Variants in GPR176 observed in about 807,000 individuals in gnomAD.
The protein encoded by GPR176 is G protein-coupled receptor 176.
A neutral mutation model predicts 35.4 loss-of-function variants in GPR176; 26 were observed. The observed-to-expected ratio is 0.74, with a 90% confidence interval of 0.54 to 1.02. GPR176 has a LOEUF of 1.02. GPR176 is among the 50% of genes least tolerant of loss of function. The pLI, the probability that GPR176 is intolerant of heterozygous loss-of-function variation, is 0.00. For missense variants in GPR176, 597 were observed against 665.3 expected, an observed-to-expected ratio of 0.90 and a Z score of 1.13; for synonymous variants, 278 against 271.3, an observed-to-expected ratio of 1.02 and a Z score of -0.24.
chr15:39,843,605 C>T (rs2030189609), intron 1 of GPR176, among the ~76,000 whole-genome samples: 1 of 151,496 alleles, frequency 6.6e-6, no homozygotes, highest in African/African-American at 2.4e-5. Flanking sequence ...ATTACACAGG[C>T]ATAGCTATGC....
Position 39,807,239 on chromosome 15 carries a change from C to T in GPR176, c.192G>A (p.Trp64Ter), listed in dbSNP as rs1428961381. 5 of 1,580,130 alleles carry T rather than the reference C, an allele frequency of 3.2e-6. No individual in the cohort carries two copies. The highest frequency in any genetic ancestry group is 1.4e-5 in the African/African-American group (1 of 73,610). ...TGAACACGGTTGTGCGGCAAGTTGACCATAACACCATGAAGTTTCCTGGTC... is the reference window on the plus strand; with the variant it reads ...TGAACACGGTTGTGCGGCAAGTTGATCATAACACCATGAAGTTTCCTGGTC... ...GSLLGNFMVL[W>*]STCRTTVFKS... Residue 64 changes from tryptophan (W) to a stop codon, truncating the protein, a stop_gained, in exon 2 of 3, where the codon TGG becomes TGA. Coordinates refer to ENST00000561100, the MANE Select transcript of GPR176 (RefSeq NM_007223.3). LOFTEE classifies it high-confidence loss of function.
At chr15:39,885,776 C>T (rs2032652461) in intron 1 of GPR176, among the ~76,000 whole-genome samples, 1 of 152,126 alleles carries the variant, frequency 6.6e-6, no homozygotes, top group Non-Finnish European at 1.5e-5. Context: ...AAAATAATTA[C>T]ATGTTTCAGC....
chr15:39,853,932 AATTATT>A (rs1178948651), intron 1 of GPR176, among the ~76,000 whole-genome samples: 1 of 151,826 alleles, frequency 6.6e-6, no homozygotes, highest in Non-Finnish European at 1.5e-5. Context: ...TCATCATCAT[AATTATT>A]ATTATTATTA....
intron 1 of GPR176, among the ~76,000 whole-genome samples, chr15:39,861,671 G>T (rs1232599518): frequency 1.3e-5 from 2 of 151,796 alleles, no homozygotes; most frequent in African/African-American, 2.4e-5. Context: ...TTAATATTCT[G>T]TACTCTTAAA....
At chr15:39,893,934 ACGGGGCGGCTGGCCGGG>A (rs1404683589) in intron 1 of GPR176, among the ~76,000 whole-genome samples, 1 of 89,152 alleles carries the variant, frequency 1.1e-5, no homozygotes, top group Non-Finnish European at 2.2e-5. Context: ...TCCCTCCCGG[ACGGGGCGGCTGGCCGGG>A]CGGGGGGCTG....
intron 1 of GPR176, among the ~76,000 whole-genome samples, chr15:39,814,154 C>T (rs948958029): frequency 6.6e-6 from 1 of 152,192 alleles, no homozygotes; most frequent in African/African-American, 2.4e-5. Context: ...CTTTCTATTT[C>T]TAGAAAATTT....
chr15:39,849,991 G>A (rs533632286), intron 1 of GPR176, among the ~76,000 whole-genome samples: 2 of 151,998 alleles, frequency 1.3e-5, no homozygotes, highest in South Asian at 4.1e-4. Context: ...AAAGGCAATT[G>A]TAAATATTTG....
chr15:39,864,745 A>G (rs2031757024), intron 1 of GPR176, among the ~76,000 whole-genome samples: 3 of 152,158 alleles, frequency 2.0e-5, no homozygotes, highest in Admixed American at 6.5e-5. Flanking sequence ...TCAAGAGTGA[A>G]CAGACAACCT....
chr15:39,877,809 G>A (rs945179917), intron 1 of GPR176, among the ~76,000 whole-genome samples: 2 of 151,846 alleles, frequency 1.3e-5, no homozygotes, highest in Admixed American at 6.6e-5. Context: ...TGATCTGCCC[G>A]CCTTGGCCTC....
chr15:39,877,566 T>C (rs1446746196), intron 1 of GPR176, among the ~76,000 whole-genome samples: 1 of 109,646 alleles, frequency 9.1e-6, no homozygotes, highest in East Asian at 2.5e-4. Context: ...TTTTTTTTTT[T>C]GTTTGTTTGT....
At chr15:39,909,705 C>T (rs1163225555) in intron 1 of GPR176, among the ~76,000 whole-genome samples, 2 of 152,150 alleles carry the variant, frequency 1.3e-5, no homozygotes, top group South Asian at 2.1e-4. Context: ...TACTGCTTTC[C>T]AATACAAACA....
At chr15:39,899,970 T>C (rs540805211) in intron 1 of GPR176, among the ~76,000 whole-genome samples, 133 of 152,258 alleles carry the variant, frequency 8.7e-4, no homozygotes, top group African/African-American at 3.1e-3. Flanking sequence ...TAAACTCTTT[T>C]TTAAAAATTA....
intron 1 of GPR176, among the ~76,000 whole-genome samples, chr15:39,916,451 T>C (rs897013776): frequency 6.6e-6 from 1 of 152,192 alleles, no homozygotes; most frequent in Non-Finnish European, 1.5e-5. Flanking sequence ...CAGCAAATAA[T>C]GTTCCTTCTG....
chr15:39,845,488 T>G (rs2030353256), intron 1 of GPR176, among the ~76,000 whole-genome samples: 1 of 151,410 alleles, frequency 6.6e-6, no homozygotes, highest in African/African-American at 2.4e-5. Context: ...AAGTGGCTCT[T>G]AAGTACCATG....
intron 1 of GPR176, among the ~76,000 whole-genome samples, chr15:39,833,964 T>C (rs1901247387): frequency 6.6e-6 from 1 of 152,200 alleles, no homozygotes; most frequent in Non-Finnish European, 1.5e-5. Flanking sequence ...GGGCAGCAAT[T>C]AAACACATGA....
At chr15:39,815,683 T>C (rs930659324) in intron 1 of GPR176, among the ~76,000 whole-genome samples, 40 of 152,152 alleles carry the variant, frequency 2.6e-4, no homozygotes, top group African/African-American at 9.2e-4. Context: ...TATAAAACGT[T>C]CAATATACCA....
chr15:39,914,375 A>G (rs568396902), intron 1 of GPR176, among the ~76,000 whole-genome samples: 2 of 135,498 alleles, frequency 1.5e-5, no homozygotes, highest in South Asian at 2.3e-4. Flanking sequence ...GTACAGTGGC[A>G]CGATCTCTGC....
At chr15:39,805,471 C>A (rs917568788) in intron 2 of GPR176, among the ~76,000 whole-genome samples, 2 of 151,942 alleles carry the variant, frequency 1.3e-5, no homozygotes, top group Admixed American at 1.3e-4. Context: ...TTTTATTCCT[C>A]TTCTGAAAGA....
chr15:39,846,626 A>G (rs1400498135), intron 1 of GPR176, among the ~76,000 whole-genome samples: 1 of 152,228 alleles, frequency 6.6e-6, no homozygotes, highest in Non-Finnish European at 1.5e-5. Context: ...ATAAGAAACT[A>G]GAATGAAAGT....
Sources: allele counts gnomAD v4.1 joint callset (sites outside exome capture counted in the v4.1 genomes callset), GRCh38; gene constraint gnomAD v4.1.1; transcripts MANE v1.5; gene names NCBI Gene and HGNC (gene_info 2026-07-23, HGNC 2026-07-21).